GFPT1: variants seen among roughly 807,000 people sequenced by gnomAD.
The protein encoded by GFPT1 is glutamine--fructose-6-phosphate aminotransferase [isomerizing] 1.
GFPT1 carries 40 observed loss-of-function variants against 92.0 expected under a neutral mutation model. The ratio of observed to expected loss-of-function variants is 0.43; its 90% confidence interval spans 0.34 to 0.57. The LOEUF (loss-of-function observed/expected upper bound fraction) is 0.57, where lower values mean the gene tolerates loss of function less well. Among genes scored for constraint, GFPT1 ranks in the 20% least tolerant of loss-of-function variants. GFPT1 has a pLI of 0.02. For synonymous variants in GFPT1, 269 were observed against 280.6 expected (o/e 0.96, Z 0.41); for missense variants, 448 against 869.1 (o/e 0.52, Z 6.09).
intron 6 of GFPT1, among the ~76,000 whole-genome samples, chr2:69,356,892 C>G (rs973142567): frequency 1.3e-5 from 2 of 152,086 alleles, no homozygotes; most frequent in Admixed American, 6.6e-5. Context: ...CACGCACCCC[C>G]ACGCTAATTT....
At chr2:69,384,802 A>C (rs575650729) in intron 1 of GFPT1, among the ~76,000 whole-genome samples, 20 of 152,002 alleles carry the variant, frequency 1.3e-4, no homozygotes, top group Admixed American at 7.2e-4. Flanking sequence ...AGAAAAGAAA[A>C]GAAAGAAGGA....
intron 12 of GFPT1, among the ~76,000 whole-genome samples, chr2:69,343,718 C>T (rs1160101374): frequency 1.3e-5 from 2 of 152,116 alleles, no homozygotes; most frequent in Non-Finnish European, 2.9e-5. Context: ...AGCCAGTCCA[C>T]CTTCTTTTTT....
intron 1 of GFPT1, among the ~76,000 whole-genome samples, chr2:69,383,816 C>T (rs575453964): frequency 2.0e-5 from 3 of 152,188 alleles, no homozygotes; most frequent in Non-Finnish European, 4.4e-5. Flanking sequence ...TTAGTAGAGA[C>T]AGGGTTTCAC....
At chr2:69,345,605 T>C (rs1671063811) in intron 12 of GFPT1, among the ~76,000 whole-genome samples, 1 of 152,204 alleles carries the variant, frequency 6.6e-6, no homozygotes, top group Admixed American at 6.5e-5. Context: ...ATTTCTGTAA[T>C]TTCATCATCC....
intron 1 of GFPT1, among the ~76,000 whole-genome samples, chr2:69,382,304 TACAG>T (rs1248580664): frequency 2.6e-5 from 4 of 152,306 alleles, no homozygotes; most frequent in East Asian, 1.9e-4. Flanking sequence ...TTATTCAACT[TACAG>T]ACAAAGTTAT....
rs1670443706 is a variant in GFPT1 at position 69,322,655 on chromosome 2, C to CTGTAATA, written c.*3527_*3533dup. On this transcript the variant is annotated 3_prime_UTR_variant, in exon 20 of 20. Transcript: ENST00000357308. ...TCCTATGAAACCTAAGAGAGAAAAC[C>CTGTAATA]TGTAATAGCTCTCTTAACCAACAGC... The CTGTAATA allele has an allele frequency of 6.6e-6, 1 of 152,160 alleles. No individual in the cohort carries two copies. Among genetic ancestry groups the CTGTAATA allele is most frequent in the Non-Finnish European group, 1.5e-5 (1 of 68,020 alleles). The allele number at this position is 152,160 out of a possible 1,614,324, so 9.4% of individuals were successfully genotyped here. A position where few individuals can be genotyped will look rare whatever the true frequency, so the allele number is the denominator to read the frequency against.
rs889572078 is a variant in GFPT1, at chr2:69,324,725, T to C, written c.*1464A>G. 4.6e-5 allele frequency: 7 copies of C among 152,156 alleles called. No individual in the cohort carries two copies. The highest frequency in any genetic ancestry group is 8.8e-5 in the Non-Finnish European group (6 of 68,020). The allele number at this position is 152,156 out of a possible 1,614,324, so 9.4% of individuals were successfully genotyped here. A position where few individuals can be genotyped will look rare whatever the true frequency, so the allele number is the denominator to read the frequency against. On this transcript the variant is annotated 3_prime_UTR_variant, in exon 20 of 20. Transcript: ENST00000357308. ...AAACAGCTTACTTAAATAATTGTGC[T>C]AAATAGCTTATCTTCACAATTTAAA...
chr2:69,333,320 T>C (rs536212816), intron 15 of GFPT1, among the ~76,000 whole-genome samples: 25 of 152,392 alleles, frequency 1.6e-4, no homozygotes, highest in Middle Eastern at 3.4e-3. Context: ...TAGTGTTTAT[T>C]TGTTTGAACT....
chr2:69,364,982 G>A (rs13410401), intron 3 of GFPT1, among the ~76,000 whole-genome samples: 48,416 of 116,304 alleles, frequency 0.42, 9,586 homozygotes, highest in Middle Eastern at 0.54. Flanking sequence ...GTGACAGAGC[G>A]AGACTCCCTC....
chr2:69,377,895 G>A (rs1055019678), intron 1 of GFPT1, among the ~76,000 whole-genome samples: 1 of 152,130 alleles, frequency 6.6e-6, no homozygotes, highest in Admixed American at 6.5e-5. Context: ...AGGTACACAG[G>A]GCATGTTCAC....
chr2:69,359,609 A>G (rs540410897), intron 4 of GFPT1, among the ~76,000 whole-genome samples: 3 of 152,334 alleles, frequency 2.0e-5, no homozygotes, highest in East Asian at 1.9e-4. Flanking sequence ...AGTTGTGGCT[A>G]AACTAGTAAT....
In GFPT1 at chr2:69,387,216, A is replaced by C. The variant is rs1220857425; in HGVS notation, c.-145T>G. On this transcript the variant is annotated 5_prime_UTR_variant, in exon 1 of 20. Coordinates refer to ENST00000357308, the MANE Select transcript of GFPT1 (RefSeq NM_001244710.2). ...CCTCGGGGATGCGACGGCCAAGGCA[A>C]CGACAGCCTTCTCCGCCTCCCGGGC... The C allele has an allele frequency of 2.3e-6, 2 of 859,832 alleles. No individual in the cohort carries two copies. Among genetic ancestry groups the C allele is most frequent in the African/African-American group, 3.6e-5 (2 of 55,830 alleles). 53.3% of individuals were successfully genotyped at this position (859,832 alleles called of 1,614,324 possible).
In GFPT1 at chr2:69,326,093, GC is replaced by G. The variant is rs1670524057; in HGVS notation, c.*95del. The G allele has an allele frequency of 1.3e-6, 1 of 745,460 alleles. No individual in the cohort carries two copies. Among genetic ancestry groups the G allele is most frequent in the African/African-American group, 1.8e-5 (1 of 56,444 alleles). 46.2% of individuals were successfully genotyped at this position (745,460 alleles called of 1,614,324 possible). On this transcript the variant is annotated 3_prime_UTR_variant, in exon 20 of 20. Transcript: ENST00000357308. Reference sequence around the variant, plus strand: ...ATAAATAAGGATTTACTAAAAAAAGGCTTCAAGGGGTGATATTTTAAATCAA... The same window carrying G: ...ATAAATAAGGATTTACTAAAAAAAGGTTCAAGGGGTGATATTTTAAATCAA...
chr2:69,368,538 G>A (rs994304219), intron 3 of GFPT1, among the ~76,000 whole-genome samples: 1 of 152,148 alleles, frequency 6.6e-6, no homozygotes, highest in African/African-American at 2.4e-5. Context: ...GACCAGCCTG[G>A]CCAATATGGT....
rs759969980 is a variant in GFPT1, at chr2:69,326,932, A to G, written c.2037T>C (p.Ala679=). ...GACTTACATCATAGCCTCTCAGCAC[A>G]GCAAGGTGGAAAGCCAGCAACTGTA... The part of the protein sequence containing the change: ...IPLQLLAFHL[A]VLRGYDVDFP... The change falls in exon 19 of 20, where the codon GCT becomes GCC. Residue 679 remains alanine (A), a synonymous_variant. Transcript: ENST00000357308. 6.2e-7 allele frequency: 1 copy of G among 1,614,144 alleles called. No homozygotes were observed. Among genetic ancestry groups the G allele is most frequent in the Non-Finnish European group, 8.5e-7 (1 of 1,180,048 alleles).
At chr2:69,344,679 T>G (rs1360282092) in intron 12 of GFPT1, among the ~76,000 whole-genome samples, 1 of 151,736 alleles carries the variant, frequency 6.6e-6, no homozygotes, top group East Asian at 1.9e-4. Context: ...GAGACAGGTC[T>G]TTCAACCAGG....
At chr2:69,339,087 T>TA (rs1670872556) in intron 13 of GFPT1, among the ~76,000 whole-genome samples, 1 of 152,200 alleles carries the variant, frequency 6.6e-6, no homozygotes, top group Non-Finnish European at 1.5e-5. Flanking sequence ...CCTGGACACA[T>TA]ACATTCTTAT....
At position 69,337,661 on chromosome 2, in the gene GFPT1, T is replaced by C. The variant is rs564133665; in HGVS notation, c.1482+237A>G. Among the ~76,000 whole-genome samples, 4 of 152,316 alleles carry C rather than the reference T, an allele frequency of 2.6e-5. No individual in the cohort carries two copies. The South Asian group carries it at 8.3e-4, about 32-fold the overall frequency. ...GACTTACATTATATACATAAGTCCC[T>C]TTTAAACTCTATCAGGAAGAGGGAG... On this transcript the variant is annotated intron_variant, in intron 15 of 19. Coordinates refer to ENST00000357308, the MANE Select transcript of GFPT1 (RefSeq NM_001244710.2).
intron 12 of GFPT1, among the ~76,000 whole-genome samples, chr2:69,345,483 TG>T (rs112957521): frequency 7.2e-5 from 11 of 152,316 alleles, no homozygotes; most frequent in African/African-American, 2.2e-4. Flanking sequence ...GGACAGTCCC[TG>T]GTACACAGTG....
Sources: gnomAD v4.1 joint callset for allele counts (sites outside exome capture counted in the v4.1 genomes callset) on GRCh38, gnomAD v4.1.1 for gene constraint, MANE v1.5 for transcripts, NCBI Gene and HGNC (gene_info 2026-07-23, HGNC 2026-07-21) for gene names.